Variants in MINDY3 observed in about 807,000 individuals in gnomAD.
MINDY3 encodes the protein MINDY lysine 48 deubiquitinase 3.
A neutral mutation model predicts 69.2 loss-of-function variants in MINDY3; 38 were observed. The observed-to-expected ratio is 0.55, with a 90% CI of 0.42 to 0.72. The LOEUF is 0.72. Ranked by LOEUF, MINDY3 falls within the 30% of genes least tolerant of loss-of-function variation. The pLI, the probability that MINDY3 is intolerant of heterozygous loss-of-function variation, is 0.00. For synonymous variants in MINDY3, 192 were observed against 180.1 expected (o/e 1.07, Z -0.53); for missense variants, 522 against 519.0 (o/e 1.01, Z -0.06).
chr10:15,848,037 A>G, intron 1 of MINDY3, 94 bp from the exon 2 acceptor site: 1 of 945,828 alleles, frequency 1.1e-6, no homozygotes, highest in Non-Finnish European at 1.7e-6. Context: ...ATGATCACTT[A>G]TCACAACAGC....
Position 15,827,371 on chromosome 10 carries a change from G to A in MINDY3, c.731-5645C>T, listed in dbSNP as rs979690260. On this transcript the variant is annotated intron_variant, in intron 8 of 14. Transcript: ENST00000277632. ...AGCCTGGCTAACATGGTAAAATCCC[G>A]TCTCTACTAAAGATACAAAATTAGC... Among the ~76,000 whole-genome samples the A allele has an allele frequency of 7.3e-5, 11 of 151,682 alleles. No individual in the cohort carries two copies. The East Asian group carries it at 1.6e-3, about 22-fold the overall frequency.
chr10:15,779,024 A>C lies in MINDY3; in HGVS notation c.1306T>G (p.Trp436Gly). The change falls in exon 15 of 15, where the codon TGG becomes GGG. Residue 436 changes from tryptophan (W) to glycine (G), a missense_variant. Coordinates refer to ENST00000277632, the MANE Select transcript of MINDY3 (RefSeq NM_024948.4). ...AGTGAAGGAGAGCGATCTGTGGTCC[A>C]GAGTAACTCAATGTATGGCCATTTG... The part of the protein sequence containing the change: ...QTKWPYIELL[W>G]TTDRSPSLN 2 of 1,613,546 alleles carry C rather than the reference A, an allele frequency of 1.2e-6. No individual in the cohort carries two copies. The highest frequency in any genetic ancestry group is 1.7e-6 in the Non-Finnish European group (2 of 1,179,690).
At chr10:15,788,463 T>A (rs1216539030) in intron 12 of MINDY3, among the ~76,000 whole-genome samples, 1 of 152,126 alleles carries the variant, frequency 6.6e-6, no homozygotes, top group East Asian at 1.9e-4. Context: ...TGTCTACCAA[T>A]GTTTCCTGTT....
At chr10:15,859,401 G>C (rs954878623) in intron 1 of MINDY3, among the ~76,000 whole-genome samples, 7 of 152,030 alleles carry the variant, frequency 4.6e-5, no homozygotes, top group Non-Finnish European at 8.8e-5. Flanking sequence ...TCTTTCCTAA[G>C]TCACCTTTAG....
At chr10:15,780,963 T>C (rs1160372219) in intron 14 of MINDY3, among the ~76,000 whole-genome samples, 1 of 152,128 alleles carries the variant, frequency 6.6e-6, no homozygotes, top group Non-Finnish European at 1.5e-5. Flanking sequence ...CTCAGATGCC[T>C]CATCTGTAAA....
rs372810709 is a variant in MINDY3 at position 15,781,401 on chromosome 10, TTA to T, written c.1188+752_1188+753del. 1.6e-3 allele frequency among the ~76,000 whole-genome samples: 229 copies of T among 145,624 alleles called. 1 individual carries two copies. The highest frequency in any genetic ancestry group is 3.5e-3 in the African/African-American group (141 of 40,100). On this transcript the variant is annotated intron_variant, in intron 14 of 14. Coordinates refer to ENST00000277632, the MANE Select transcript of MINDY3 (RefSeq NM_024948.4). ...ATTAGCTATAACTAATACATATATA[TTA>T]TATATATATATATATACTATAACTA...
chr10:15,826,456 T>A lies in MINDY3; in HGVS notation c.731-4730A>T, dbSNP rs141416530. On this transcript the variant is annotated intron_variant, in intron 8 of 14. Transcript: ENST00000277632. ...ACTGAATATTTTTCACTAAAGAATG[T>A]ACAAAACAATCTAGTTGGGAAGATA... 3.3e-3 allele frequency among the ~76,000 whole-genome samples: 497 copies of A among 152,342 alleles called. 4 individuals carry two copies. In the Middle Eastern group the frequency reaches 0.044, roughly 14 times the overall value.
chr10:15,780,886 C>T (rs1256713887), intron 14 of MINDY3, among the ~76,000 whole-genome samples: 1 of 152,118 alleles, frequency 6.6e-6, no homozygotes, highest in Non-Finnish European at 1.5e-5. Context: ...ATCAGGAACT[C>T]AGTTCCAATC....
intron 10 of MINDY3, among the ~76,000 whole-genome samples, chr10:15,808,324 A>C (rs1464050834): frequency 6.6e-6 from 1 of 152,210 alleles, no homozygotes; most frequent in Admixed American, 6.6e-5. Context: ...AGGATGAGGT[A>C]ACTAAACTGC....
intron 1 of MINDY3, among the ~76,000 whole-genome samples, chr10:15,852,228 T>C (rs139127950): frequency 1.1e-3 from 168 of 152,284 alleles, no homozygotes; most frequent in Middle Eastern, 6.8e-3. Flanking sequence ...TTTCCCACAG[T>C]ATGTTTACAA....
At chr10:15,820,607 T>C (rs574339982) in intron 9 of MINDY3, among the ~76,000 whole-genome samples, 64 of 152,328 alleles carry the variant, frequency 4.2e-4, no homozygotes, top group African/African-American at 1.5e-3. Flanking sequence ...TAAAAGTCAC[T>C]GAAAATACTG....
intron 10 of MINDY3, among the ~76,000 whole-genome samples, chr10:15,815,660 T>C (rs1839304375): frequency 6.6e-6 from 1 of 152,168 alleles, no homozygotes; most frequent in African/African-American, 2.4e-5. Context: ...TCTTGAATAC[T>C]AAAAATGATG....
chr10:15,843,488 ATTC>A (rs778245603), intron 2 of MINDY3, among the ~76,000 whole-genome samples: 15 of 152,042 alleles, frequency 9.9e-5, no homozygotes, highest in Admixed American at 3.3e-4. Flanking sequence ...GATTCATAAA[ATTC>A]TTCTTCTTCC....
At chr10:15,807,295 C>G (rs1206424844) in intron 10 of MINDY3, among the ~76,000 whole-genome samples, 1 of 152,022 alleles carries the variant, frequency 6.6e-6, no homozygotes, top group African/African-American at 2.4e-5. Flanking sequence ...CAGTTAGTGC[C>G]ACAAGAAGGA....
At position 15,779,334 on chromosome 10, in the gene MINDY3, C is replaced by T. The variant is rs142373142; in HGVS notation, c.1189-193G>A. Among the ~76,000 whole-genome samples, 506 of 152,142 alleles carry T rather than the reference C, an allele frequency of 3.3e-3. 3 individuals carry two copies. The highest frequency in any genetic ancestry group is 0.011 in the African/African-American group (476 of 41,480). On this transcript the variant is annotated intron_variant, in intron 14 of 14. Transcript: ENST00000277632. ...ATTAATGTGAAAGTAAATTTGTAAA[C>T]GATATTTAATTGCTAGCTGGCCAGG...
Position 15,860,415 on chromosome 10 carries a change from G to T in MINDY3, c.-116C>A. 1 of 774,120 alleles carries T rather than the reference G, an allele frequency of 1.3e-6. No individual in the cohort carries two copies. Among genetic ancestry groups the T allele is most frequent in the Non-Finnish European group, 2.2e-6 (1 of 449,210 alleles). 48.0% of individuals were successfully genotyped at this position (774,120 alleles called of 1,614,324 possible). On this transcript the variant is annotated 5_prime_UTR_variant, in exon 1 of 15. Transcript: ENST00000277632. Reference sequence around the variant, plus strand: ...GGCGGCGGCAAACGAATTGGAAGGTGAGGCAGGAAAGAAGAAGGGGCTGAG... The same window carrying T: ...GGCGGCGGCAAACGAATTGGAAGGTTAGGCAGGAAAGAAGAAGGGGCTGAG...
Position 15,779,086 on chromosome 10 carries a change from T to C in MINDY3, c.1244A>G (p.Gln415Arg), listed in dbSNP as rs193171204. 1 of 1,613,692 alleles carries C rather than the reference T, an allele frequency of 6.2e-7. No homozygotes were observed. The highest frequency in any genetic ancestry group is 2.2e-5 in the East Asian group (1 of 44,854). Residue 415 changes from glutamine to arginine, a missense_variant, in exon 15 of 15, where the codon CAG (glutamine) becomes CGG (arginine). Transcript: ENST00000277632. The part of the protein sequence containing the change: ...VVMGFEDPML[Q>R]TDDTPIKRCL... ...GCGTTTAATAGGAGTGTCATCTGTC[T>C]GTAGCATGGGATCTTCAAAACCCAT... is the stretch of plus-strand genomic sequence containing the variant.
intron 13 of MINDY3, among the ~76,000 whole-genome samples, chr10:15,783,842 TTAAA>T (rs561477498): frequency 4.7e-4 from 71 of 152,306 alleles, no homozygotes; most frequent in African/African-American, 1.2e-3. Context: ...TTATTTGAAC[TTAAA>T]TAACCATTTT....
chr10:15,837,910 A>T (rs1297874359), intron 5 of MINDY3: 1 of 929,656 alleles, frequency 1.1e-6, no homozygotes, highest in East Asian at 1.2e-4. Context: ...TCTAATATTT[A>T]TCCTACTAGA....
Sources: allele counts gnomAD v4.1 joint callset (sites outside exome capture counted in the v4.1 genomes callset), GRCh38; gene constraint gnomAD v4.1.1; transcripts MANE v1.5; gene names NCBI Gene and HGNC (gene_info 2026-07-23, HGNC 2026-07-21).